Variants in TRMT5 observed in about 807,000 individuals in gnomAD.
TRMT5 encodes tRNA methyltransferase 5, also known as tRNA (guanine(37)-N(1))-methyltransferase.
In TRMT5, 31 loss-of-function variants were observed where a neutral mutation model predicts 42.2. The observed-to-expected ratio is 0.73, with a 90% CI of 0.55 to 0.99. TRMT5 has a LOEUF of 0.99. Among genes scored for constraint, TRMT5 ranks in the 50% least tolerant of loss-of-function variants. The pLI, the probability that TRMT5 is intolerant of heterozygous loss-of-function variation, is 0.00. For missense variants in TRMT5, 568 were observed against 595.0 expected (o/e 0.95, Z 0.47); for synonymous variants, 198 against 209.6 (o/e 0.94, Z 0.48).
At position 60,972,078 on chromosome 14, in the gene TRMT5, A is replaced by T. The variant is rs559731682; in HGVS notation, c.*3031T>A. The T allele has an allele frequency of 2.1e-5, 7 of 332,644 alleles. No homozygotes were observed. The highest frequency in any genetic ancestry group is 1.8e-4 in the South Asian group (7 of 39,504). 20.6% of individuals were successfully genotyped at this position (332,644 alleles called of 1,614,324 possible). A position where few individuals can be genotyped will look rare whatever the true frequency, so the allele number is the denominator to read the frequency against. ...ATCAATCCAGCTTCAGAGATATTCT[A>T]TTAGTGACACATACCCCTTCCCCCA... On this transcript the variant is annotated 3_prime_UTR_variant, in exon 5 of 5. Transcript: ENST00000261249.
At chr14:60,976,807 A>C (rs1159389707) in intron 3 of TRMT5, among the ~76,000 whole-genome samples, 1 of 152,200 alleles carries the variant, frequency 6.6e-6, no homozygotes, top group African/African-American at 2.4e-5. Context: ...ATTCTTGAAC[A>C]AAAGACTTTT....
At position 60,975,536 on chromosome 14, in the gene TRMT5, C is replaced by T; in HGVS notation, c.1383G>A (p.Met461Ile). ...LVRNVAPNKE[M>I]LCITFQIPAS... ...CAGGAATCTGAAACGTGATGCACAG[C>T]ATTTCCTTGTTTGGGGCCACATTTC... The change falls in exon 4 of 5, where the codon ATG becomes ATA. Residue 461 changes from methionine (M) to isoleucine (I), a missense_variant. Physicochemically the swap from Met to Ile is conservative, Grantham distance 10. Coordinates refer to ENST00000261249, the MANE Select transcript of TRMT5 (RefSeq NM_020810.3). 1 of 1,614,194 alleles carries T rather than the reference C, an allele frequency of 6.2e-7. No homozygotes were observed. Among genetic ancestry groups the T allele is most frequent in the Non-Finnish European group, 8.5e-7 (1 of 1,180,020 alleles).
In TRMT5 at chr14:60,972,151, A is replaced by ACTTTT; in HGVS notation, c.*2957_*2958insAAAAG. On this transcript the variant is annotated 3_prime_UTR_variant, in exon 5 of 5. Transcript: ENST00000261249. ...TGTGCTAACAACATAGCTTAAAAAA[A>ACTTTT]GTAAAACAAAATTCTGCATTTTTAT... 2.5e-6 allele frequency: 1 copy of ACTTTT among 397,968 alleles called. No individual in the cohort carries two copies. Among genetic ancestry groups the ACTTTT allele is most frequent in the Admixed American group, 3.2e-5 (1 of 31,074 alleles). 24.7% of individuals were successfully genotyped at this position (397,968 alleles called of 1,614,324 possible). A position where few individuals can be genotyped will look rare whatever the true frequency, so the allele number is the denominator to read the frequency against.
intron 4 of TRMT5, 101 bp from the exon 5 acceptor site, chr14:60,975,295 A>G: frequency 1.5e-6 from 2 of 1,299,076 alleles, no homozygotes; most frequent in Non-Finnish European, 2.1e-6. Context: ...AGTCAACTTA[A>G]ACATGAAATA....
chr14:60,978,881 C>T (rs1364401900), intron 2 of TRMT5, among the ~76,000 whole-genome samples: 5 of 152,086 alleles, frequency 3.3e-5, no homozygotes, highest in Non-Finnish European at 7.4e-5. Flanking sequence ...ATAAAGTACC[C>T]AAATTTATGA....
chr14:60,979,666 C>T lies in TRMT5; in HGVS notation c.232G>A (p.Asp78Asn). ...TCAAGTTTTGTCATGCCTCGGACAT[C>T]AGAAGGTGGTGAAAACAATTCAGTC... ...RETELFSPPS[D>N]VRGMTKLDRT... The change falls in exon 2 of 5, where the codon GAT becomes AAT. Residue 78 changes from aspartate (D) to asparagine (N), a missense_variant. By Grantham distance (23) the Asp-to-Asn change is conservative. Coordinates refer to ENST00000261249, the MANE Select transcript of TRMT5 (RefSeq NM_020810.3). The T allele has an allele frequency of 6.2e-7, 1 of 1,614,068 alleles. No homozygotes were observed. Among genetic ancestry groups the T allele is most frequent in the Non-Finnish European group, 8.5e-7 (1 of 1,180,002 alleles).
rs1052772808 is a variant in TRMT5, at chr14:60,975,715, G to T, written c.1204C>A (p.Leu402Ile). 2.5e-6 allele frequency: 4 copies of T among 1,614,192 alleles called. No individual in the cohort carries two copies. In the African/African-American group the frequency reaches 5.3e-5, roughly 22 times the overall value. The change falls in exon 4 of 5, where the codon CTT becomes ATT. Residue 402 changes from leucine (L) to isoleucine (I), a missense_variant. Coordinates refer to ENST00000261249, the MANE Select transcript of TRMT5 (RefSeq NM_020810.3). ...AIEFLSAFKW[L>I]LDGQPCSSEF... ...CTGCTGCATGGCTGCCCATCTAAAA[G>T]CCACTTGAAAGCACTAAGAAACTCT...
chr14:60,975,430 A>G (rs2036832114), intron 4 of TRMT5, 45 bp downstream of exon 4: 2 of 1,578,594 alleles, frequency 1.3e-6, no homozygotes, highest in Admixed American at 1.8e-5. Context: ...AATTAGTTAC[A>G]ATTGAATGGC....
At chr14:60,979,155 AAAAT>A in intron 2 of TRMT5, 72 bp downstream of exon 2, 1 of 1,358,752 alleles carries the variant, frequency 7.4e-7, no homozygotes. Flanking sequence ...GGCATTAAAA[AAAAT>A]AATTTTTAAA....
At position 60,974,577 on chromosome 14, in the gene TRMT5, C is replaced by G. The variant is rs1450581861; in HGVS notation, c.*532G>C. The G allele has an allele frequency of 6.6e-6, 1 of 152,152 alleles. No homozygotes were observed. The highest frequency in any genetic ancestry group is 1.5e-5 in the Non-Finnish European group (1 of 68,026). The allele number at this position is 152,152 out of a possible 1,614,324, so 9.4% of individuals were successfully genotyped here. ...AATAGATGTCATAAAATTTTCACGTCACAAAATGTTCTTTTGATTATTTTT... is the reference window on the plus strand; with the variant it reads ...AATAGATGTCATAAAATTTTCACGTGACAAAATGTTCTTTTGATTATTTTT... On this transcript the variant is annotated 3_prime_UTR_variant, in exon 5 of 5. Coordinates refer to ENST00000261249, the MANE Select transcript of TRMT5 (RefSeq NM_020810.3).
intron 1 of TRMT5, 99 bp downstream of exon 1, chr14:60,980,864 G>C (rs768671178): frequency 6.3e-7 from 1 of 1,581,830 alleles, no homozygotes; most frequent in Non-Finnish European, 8.6e-7. Flanking sequence ...GGGTGACCTC[G>C]CGATGTTTCT....
At position 60,972,568 on chromosome 14, in the gene TRMT5, C is replaced by T; in HGVS notation, c.*2541G>A. On this transcript the variant is annotated 3_prime_UTR_variant, in exon 5 of 5. Coordinates refer to ENST00000261249, the MANE Select transcript of TRMT5 (RefSeq NM_020810.3). ...TCGTTCTTGCCTCTTCTCCTTCACA[C>T]TGCTCCCACGCTTTTTTAATTGACA... The T allele has an allele frequency of 5.4e-6, 2 of 369,420 alleles. No homozygotes were observed. The highest frequency in any genetic ancestry group is 1.0e-5 in the Non-Finnish European group (2 of 191,948). The allele number at this position is 369,420 out of a possible 1,614,324, so 22.9% of individuals were successfully genotyped here. A position where few individuals can be genotyped will look rare whatever the true frequency, so the allele number is the denominator to read the frequency against.
In TRMT5 at chr14:60,979,286, T is replaced by G; in HGVS notation, c.612A>C (p.Gly204=). 1 of 1,614,070 alleles carries G rather than the reference T, an allele frequency of 6.2e-7. No individual in the cohort carries two copies. The highest frequency in any genetic ancestry group is 8.5e-7 in the Non-Finnish European group (1 of 1,179,960). ...CTCGAAGGTTTAGGTGTGCAATATG[T>G]CCAATCCTGCTAAACCCTGAAGTTA... ...QDVTSGFSRI[G]HIAHLNLRDH... is the part of the protein sequence containing the mutation. The change falls in exon 2 of 5, where the codon GGA becomes GGC. Residue 204 remains glycine, a synonymous_variant. Coordinates refer to ENST00000261249, the MANE Select transcript of TRMT5 (RefSeq NM_020810.3).
rs2036855436 is a variant in TRMT5, at chr14:60,976,901, A to G, written c.792+613T>C. ...AGTTACAGTCATGAAGTATGACCTC[A>G]GCCATCATCTTAAACTCATTAATTT... On this transcript the variant is annotated intron_variant, in intron 3 of 4. Transcript: ENST00000261249. 2.6e-5 allele frequency among the ~76,000 whole-genome samples: 4 copies of G among 152,244 alleles called. No homozygotes were observed. In the South Asian group the frequency reaches 8.3e-4, roughly 31 times the overall value.
At chr14:60,976,822 G>A (rs562511640) in intron 3 of TRMT5, among the ~76,000 whole-genome samples, 1 of 152,116 alleles carries the variant, frequency 6.6e-6, no homozygotes, top group Admixed American at 6.5e-5. Flanking sequence ...ACTTTTTAAC[G>A]TTTCTTTTGG....
chr14:60,975,624 C>A lies in TRMT5; in HGVS notation c.1295G>T (p.Arg432Leu). 6.2e-7 allele frequency: 1 copy of A among 1,614,136 alleles called. No homozygotes were observed. Among genetic ancestry groups the A allele is most frequent in the Non-Finnish European group, 8.5e-7 (1 of 1,180,030 alleles). The change falls in exon 4 of 5, where the codon CGG (arginine) becomes CTG (leucine). Residue 432 changes from arginine (R) to leucine (L), a missense_variant. Physicochemically the swap from Arg to Leu is moderately radical, Grantham distance 102. Coordinates refer to ENST00000261249, the MANE Select transcript of TRMT5 (RefSeq NM_020810.3). ...SKDANPAEDVRQRAGAVLGIS... is the reference protein window; with the variant it reads ...SKDANPAEDVLQRAGAVLGIS... ...GCCTAACACAGCTCCAGCCCTTTGC[C>A]GAACATCCTCAGCAGGGTTAGCATC...
At chr14:60,978,533 G>T (rs1219704477) in intron 2 of TRMT5, among the ~76,000 whole-genome samples, 1 of 152,078 alleles carries the variant, frequency 6.6e-6, no homozygotes, top group Non-Finnish European at 1.5e-5. Flanking sequence ...CTATTCTGAA[G>T]GTCTATAGTA....
intron 1 of TRMT5, 103 bp downstream of exon 1, chr14:60,980,859 AC>A (rs758259205): frequency 5.7e-5 from 89 of 1,561,240 alleles, no homozygotes; most frequent in Middle Eastern, 1.7e-4. Context: ...CGGGTGGGTG[AC>A]CTCGCGATGT....
At position 60,979,774 on chromosome 14, in the gene TRMT5, G is replaced by A; in HGVS notation, c.124C>T (p.Leu42Phe). The A allele has an allele frequency of 1.2e-6, 2 of 1,613,748 alleles. No individual in the cohort carries two copies. The highest frequency in any genetic ancestry group is 2.2e-5 in the East Asian group (1 of 44,858). Residue 42 changes from leucine to phenylalanine, a missense_variant, in exon 2 of 5, where the codon CTT becomes TTT. Physicochemically the swap from Leu to Phe is conservative, Grantham distance 22. Transcript: ENST00000261249. Reference sequence around the variant, plus strand: ...AAGAAAATACCAGGTGCTTCCAAAAGCATCTGTGTCAGGGATGTCCAAGCT... The same window carrying A: ...AAGAAAATACCAGGTGCTTCCAAAAACATCTGTGTCAGGGATGTCCAAGCT... The part of the protein sequence containing the change: ...PVAWTSLTQM[L>F]LEAPGIFLLG...
Sources: allele counts gnomAD v4.1 joint callset (sites outside exome capture counted in the v4.1 genomes callset), GRCh38; gene constraint gnomAD v4.1.1; transcripts MANE v1.5; gene names NCBI Gene and HGNC (gene_info 2026-07-23, HGNC 2026-07-21).